Variants in USP45 observed in about 807,000 individuals in gnomAD.
USP45 encodes the protein ubiquitin carboxyl-terminal hydrolase 45.
A neutral mutation model predicts 95.8 loss-of-function variants in USP45; 89 were observed. That is an observed-to-expected ratio of 0.93 (90% CI 0.78 to 1.11). USP45 has a LOEUF of 1.11. USP45 is among the 50% of genes least tolerant of loss of function. The pLI, the probability that USP45 is intolerant of heterozygous loss-of-function variation, is 0.00. For synonymous variants in USP45, 281 were observed against 316.2 expected (o/e 0.89, Z 1.18); for missense variants, 898 against 942.5 (o/e 0.95, Z 0.62).
At chr6:99,504,435 C>G (rs1798072925) in intron 4 of USP45, among the ~76,000 whole-genome samples, 1 of 152,180 alleles carries the variant, frequency 6.6e-6, no homozygotes, top group Non-Finnish European at 1.5e-5. Flanking sequence ...CTACCACACC[C>G]AGCCCCAACT....
Position 99,508,507 on chromosome 6 carries a change from T to C in USP45, c.273+103A>G, listed in dbSNP as rs1208292743. The stretch of plus-strand genomic sequence containing the variant: ...TGGAAAATTTCTATCTAAATTGGAA[T>C]AAATTTATCTTAACTCCTATGCATG... On this transcript the variant is annotated intron_variant, in intron 3 of 17. Coordinates refer to ENST00000500704, the MANE Select transcript of USP45 (RefSeq NM_001346022.3). 4 of 1,161,954 alleles carry C rather than the reference T, an allele frequency of 3.4e-6. No homozygotes were observed. The African/African-American group carries it at 6.3e-5, about 18-fold the overall frequency. The allele number at this position is 1,161,954 out of a possible 1,614,324, so 72.0% of individuals were successfully genotyped here.
chr6:99,473,823 T>C (rs1331004741), intron 9 of USP45, among the ~76,000 whole-genome samples: 1 of 88,174 alleles, frequency 1.1e-5, no homozygotes, highest in Non-Finnish European at 2.3e-5. Context: ...ACATCTACTA[T>C]GTGCAAGGCA....
intron 7 of USP45, among the ~76,000 whole-genome samples, chr6:99,484,003 A>AGTTTTTTTT (rs1562394555): frequency 2.4e-5 from 1 of 40,986 alleles, no homozygotes; most frequent in Non-Finnish European, 4.3e-5. Flanking sequence ...AATTTTCCAT[A>AGTTTTTTTT]GTTTTTTTTT....
chr6:99,443,680 A>C lies in USP45; in HGVS notation c.1976-18T>G, dbSNP rs752717350. Reference sequence around the variant, plus strand: ...TTTCTTTTCTACATAAAATACAATAAATTTATTTATAAAATTCCATTTTAT... The same window carrying C: ...TTTCTTTTCTACATAAAATACAATACATTTATTTATAAAATTCCATTTTAT... On this transcript the variant is annotated intron_variant, in intron 14 of 17. Coordinates refer to ENST00000500704, the MANE Select transcript of USP45 (RefSeq NM_001346022.3). 3 of 1,454,890 alleles carry C rather than the reference A, an allele frequency of 2.1e-6. No homozygotes were observed. Among genetic ancestry groups the C allele is most frequent in the Non-Finnish European group, 2.8e-6 (3 of 1,080,160 alleles). The allele number at this position is 1,454,890 out of a possible 1,614,324, so 90.1% of individuals were successfully genotyped here.
intron 13 of USP45, among the ~76,000 whole-genome samples, chr6:99,450,811 C>T (rs1160569690): frequency 6.6e-6 from 1 of 152,154 alleles, no homozygotes; most frequent in Non-Finnish European, 1.5e-5. Flanking sequence ...CCAAATCCAG[C>T]AGCACATCAA....
chr6:99,516,987 C>A (rs1801156838), upstream of USP45, among the ~76,000 whole-genome samples: 1 of 152,094 alleles, frequency 6.6e-6, no homozygotes, highest in Admixed American at 6.5e-5. Context: ...CTTAAATTTT[C>A]TTGGAAACGA....
Position 99,482,841 on chromosome 6 carries a change from A to G in USP45, c.757T>C (p.Ser253Pro). The change falls in exon 8 of 18, where the codon TCA becomes CCA. Residue 253 changes from serine to proline, a missense_variant. Ser to Pro is a moderately conservative substitution (Grantham distance 74). Transcript: ENST00000500704. ...CTGTGAAGAAACAGGAACAAGGCTG[A>G]GGTCAGTGGTCCAGGCCTTGAAAGT... Reference protein sequence around the residue: ...VELSRPGPLTSALFLFLHSMK... With the variant: ...VELSRPGPLTPALFLFLHSMK... The G allele has an allele frequency of 6.2e-7, 1 of 1,602,508 alleles. No homozygotes were observed. The highest frequency in any genetic ancestry group is 8.5e-7 in the Non-Finnish European group (1 of 1,174,114).
Position 99,488,749 on chromosome 6 carries a change from A to G in USP45, c.550T>C (p.Cys184Arg), listed in dbSNP as rs1408754609. Residue 184 changes from cysteine to arginine, a missense_variant, in exon 6 of 18, where the codon TGC becomes CGC. Coordinates refer to ENST00000500704, the MANE Select transcript of USP45 (RefSeq NM_001346022.3). ...ETDEIQKGGK[C>R]RNLSVRGITN... ...ATTCCTCTTACAGATAAATTTCTGC[A>G]TTTTCCTCCCTTCTGTATTTCATCT... 6.2e-7 allele frequency: 1 copy of G among 1,607,952 alleles called. No individual in the cohort carries two copies. Among genetic ancestry groups the G allele is most frequent in the African/African-American group, 1.3e-5 (1 of 74,654 alleles).
intron 5 of USP45, among the ~76,000 whole-genome samples, chr6:99,496,647 AT>A (rs1164171659): frequency 6.6e-6 from 1 of 152,158 alleles, no homozygotes; most frequent in East Asian, 1.9e-4. Context: ...CAACTACATG[AT>A]TTTACCAGGA....
Position 99,445,978 on chromosome 6 carries a change from A to G in USP45, c.1794T>C (p.Tyr598=), listed in dbSNP as rs766826756. Residue 598 remains tyrosine, a synonymous_variant, in exon 14 of 18, where the codon TAT becomes TAC. Coordinates refer to ENST00000500704, the MANE Select transcript of USP45 (RefSeq NM_001346022.3). ...CFLEGKHLRS[Y]SPQNAFQTLS... ...GGGTCTGAAAAGCATTTTGGGGACT[A>G]TAAGACCTCAAATGCTTCCCCTCTA... is the stretch of plus-strand genomic sequence containing the variant. 2.2e-5 allele frequency: 36 copies of G among 1,613,958 alleles called. No homozygotes were observed. Among genetic ancestry groups the G allele is most frequent in the South Asian group, 1.5e-4 (14 of 91,068 alleles).
chr6:99,490,347 CT>C (rs78890143), intron 5 of USP45, among the ~76,000 whole-genome samples: 254 of 141,434 alleles, frequency 1.8e-3, no homozygotes, highest in Middle Eastern at 3.6e-3. Context: ...TATTTTTTTT[CT>C]TTTTTTTTTT....
chr6:99,487,609 G>A (rs1794229415), intron 7 of USP45, among the ~76,000 whole-genome samples: 2 of 128,564 alleles, frequency 1.6e-5, no homozygotes, highest in Non-Finnish European at 1.6e-5. Flanking sequence ...CTAACATGGT[G>A]AAACCCCGTC....
At chr6:99,496,389 CACTT>C (rs1388490450) in intron 5 of USP45, among the ~76,000 whole-genome samples, 1 of 151,524 alleles carries the variant, frequency 6.6e-6, no homozygotes, top group Non-Finnish European at 1.5e-5. Context: ...AACATACCAC[CACTT>C]ACTTTCTTAT....
At position 99,435,986 on chromosome 6, in the gene USP45, G is replaced by C; in HGVS notation, c.2315-140C>G. On this transcript the variant is annotated intron_variant, in intron 17 of 17. Coordinates refer to ENST00000500704, the MANE Select transcript of USP45 (RefSeq NM_001346022.3). ...AGAAGCCTGTTTTTTCTTGGGTTAA[G>C]CATTTTCCAAAAAGAACTTTTTTTT... 4.9e-6 allele frequency: 4 copies of C among 820,196 alleles called. No homozygotes were observed. The Admixed American group carries it at 1.4e-4, about 28-fold the overall frequency. 50.8% of individuals were successfully genotyped at this position (820,196 alleles called of 1,614,324 possible).
intron 9 of USP45, among the ~76,000 whole-genome samples, chr6:99,471,749 G>C (rs1451346406): frequency 6.6e-6 from 1 of 152,248 alleles, no homozygotes; most frequent in Middle Eastern, 3.4e-3. Flanking sequence ...ATTACTAAAA[G>C]ATTCTGGTGG....
intron 5 of USP45, among the ~76,000 whole-genome samples, chr6:99,503,341 T>C (rs74598303): frequency 6.6e-6 from 1 of 151,694 alleles, no homozygotes; most frequent in Admixed American, 6.6e-5. Context: ...TTTTTTTTTT[T>C]CTTGAGACGG....
At position 99,452,904 on chromosome 6, in the gene USP45, A is replaced by G. The variant is rs184742994; in HGVS notation, c.1309-6441T>C. On this transcript the variant is annotated intron_variant, in intron 13 of 17. Transcript: ENST00000500704. The stretch of plus-strand genomic sequence containing the variant: ...GACATGGATGAAGCTGGAAACCATC[A>G]TTATCAGCAAACTATCACAAGAACA... 2.8e-4 allele frequency among the ~76,000 whole-genome samples: 43 copies of G among 152,296 alleles called. 1 individual carries two copies. The East Asian group carries it at 5.8e-3, about 21-fold the overall frequency.
At chr6:99,497,862 G>C (rs1473046354) in intron 5 of USP45, among the ~76,000 whole-genome samples, 1 of 152,088 alleles carries the variant, frequency 6.6e-6, no homozygotes, top group Non-Finnish European at 1.5e-5. Context: ...AACCTATCGA[G>C]CTCTCGTCAA....
intron 5 of USP45, among the ~76,000 whole-genome samples, chr6:99,496,691 T>G (rs1362917630): frequency 6.6e-6 from 1 of 152,100 alleles, no homozygotes; most frequent in African/African-American, 2.4e-5. Flanking sequence ...TGTAGAACAC[T>G]TCATGACATT....
Sources: allele counts gnomAD v4.1 joint callset (sites outside exome capture counted in the v4.1 genomes callset), GRCh38; gene constraint gnomAD v4.1.1; transcripts MANE v1.5; gene names NCBI Gene and HGNC (gene_info 2026-07-23, HGNC 2026-07-21).